SYNE2: variants seen among roughly 807,000 people sequenced by gnomAD.
SYNE2 encodes the protein nesprin-2.
Under a neutral mutation model 856.3 loss-of-function variants are expected in SYNE2, and 431 were observed. The ratio of observed to expected loss-of-function variants is 0.50; its 90% confidence interval spans 0.47 to 0.55. The LOEUF (loss-of-function observed/expected upper bound fraction) is 0.55, where lower values mean the gene tolerates loss of function less well. Among genes scored for constraint, SYNE2 ranks in the 20% least tolerant of loss-of-function variants. The pLI, the probability that SYNE2 is intolerant of heterozygous loss-of-function variation, is 0.00. For synonymous variants in SYNE2, 2,923 were observed against 2,872.3 expected (o/e 1.02, Z -0.56); for missense variants, 8,129 against 8,023.2 (o/e 1.01, Z -0.50).
Position 64,051,713 on chromosome 14 carries a change from T to G in SYNE2, c.7800T>G (p.Ile2600Met), listed in dbSNP as rs772826147. 2 of 1,614,224 alleles carry G rather than the reference T, an allele frequency of 1.2e-6. No homozygotes were observed. Among genetic ancestry groups the G allele is most frequent in the South Asian group, 1.1e-5 (1 of 91,082 alleles). ...ATAAGAAATTGTTGGAAAGCCAGATTAAGCAACTTGAACATGGTTGGGAAC... is the reference window on the plus strand; with the variant it reads ...ATAAGAAATTGTTGGAAAGCCAGATGAAGCAACTTGAACATGGTTGGGAAC... ...DMDKKLLESQ[I>M]KQLEHGWEQV... The change falls in exon 48 of 116, where the codon ATT becomes ATG. Residue 2600 changes from isoleucine to methionine, a missense_variant. Physicochemically the swap from Ile to Met is conservative, Grantham distance 10 (BLOSUM62 1). Coordinates refer to ENST00000555002, the MANE Select transcript of SYNE2 (RefSeq NM_182914.3).
intron 1 of SYNE2, among the ~76,000 whole-genome samples, chr14:63,866,997 A>T (rs1349941847): frequency 1.3e-5 from 2 of 152,176 alleles, no homozygotes; most frequent in Non-Finnish European, 2.9e-5. Context: ...TTTAGTACTC[A>T]ATTGGTGCCA....
At position 64,022,731 on chromosome 14, in the gene SYNE2, CT is replaced by C. The variant is rs769496095; in HGVS notation, c.5525-11del. 545 of 1,291,102 alleles carry C rather than the reference CT, an allele frequency of 4.2e-4. No individual in the cohort carries two copies. The highest frequency in any genetic ancestry group is 5.6e-4 in the South Asian group (46 of 81,862). The allele number at this position is 1,291,102 out of a possible 1,614,324, so 80.0% of individuals were successfully genotyped here. ...TGAAGTCTTCCTTGAATGAATAGAGCTTTTTTTTTCCCCCTGCAGATCAATG... is the reference window on the plus strand; with the variant it reads ...TGAAGTCTTCCTTGAATGAATAGAGCTTTTTTTTCCCCCTGCAGATCAATG... On this transcript the variant is annotated intron_variant, in intron 37 of 115. Transcript: ENST00000555002.
intron 49 of SYNE2, among the ~76,000 whole-genome samples, chr14:64,060,420 A>G (rs1475547033): frequency 6.6e-6 from 1 of 152,150 alleles, no homozygotes; most frequent in Non-Finnish European, 1.5e-5. Flanking sequence ...CTTCTGGCCC[A>G]GGGTGTGTCT....
Position 64,119,577 on chromosome 14 carries a change from A to G in SYNE2, c.12991A>G (p.Met4331Val), listed in dbSNP as rs144392904. ...TVKCNLEKVQ[M>V]MLQEKHSEDQ... ...GAAGTGCAATTTAGAAAAAGTCCAG[A>G]TGATGCTTCAGGAGAAGCACAGTGA... Residue 4331 changes from methionine to valine, a missense_variant, in exon 67 of 116, where the codon ATG becomes GTG. Met to Val is a conservative substitution (Grantham distance 21). This residue lies in a region of SYNE2 where 5,410 missense variants were observed against 5,284.8 expected (regional missense o/e 1.02). Transcript: ENST00000555002. 1.2e-6 allele frequency: 2 copies of G among 1,614,076 alleles called. No homozygotes were observed. Among genetic ancestry groups the G allele is most frequent in the East Asian group, 2.2e-5 (1 of 44,890 alleles).
rs1253506104 is a variant in SYNE2 at position 63,961,567 on chromosome 14, A to G, written c.830A>G (p.Tyr277Cys). 8 of 1,614,096 alleles carry G rather than the reference A, an allele frequency of 5.0e-6. No homozygotes were observed. Among genetic ancestry groups the G allele is most frequent in the Non-Finnish European group, 6.8e-6 (8 of 1,179,976 alleles). The change falls in exon 9 of 116, where the codon TAT becomes TGT. Residue 277 changes from tyrosine to cysteine, a missense_variant. Coordinates refer to ENST00000555002, the MANE Select transcript of SYNE2 (RefSeq NM_182914.3). Reference sequence around the variant, plus strand: ...CCTGATGAAAAGTCCATCATGACCTATGTGGCACAGTTTCTGCAGTATTCC... The same window carrying G: ...CCTGATGAAAAGTCCATCATGACCTGTGTGGCACAGTTTCTGCAGTATTCC... ...VDPDEKSIMT[Y>C]VAQFLQYSKD...
chr14:64,138,093 T>C (rs907882320), intron 79 of SYNE2, 110 bp downstream of exon 79: 1 of 1,305,340 alleles, frequency 7.7e-7, no homozygotes. Context: ...CTGTTTTTTC[T>C]TGGGCAGTCT....
chr14:64,107,490 G>C lies in SYNE2; in HGVS notation c.12493-1G>C. 6.2e-7 allele frequency: 1 copy of C among 1,613,206 alleles called. No homozygotes were observed. Among genetic ancestry groups the C allele is most frequent in the Non-Finnish European group, 8.5e-7 (1 of 1,179,218 alleles). On this transcript the variant is annotated splice_acceptor_variant, in intron 64 of 115. Transcript: ENST00000555002. LOFTEE classifies it high-confidence loss of function. ...TGGAGCTCTGATTCTTTTCTTTACA[G>C]GAAGCATATGGGAAAATAAGCACCT...
intron 8 of SYNE2, among the ~76,000 whole-genome samples, 181 bp from the exon 9 acceptor site, chr14:63,961,344 C>T (rs906661308): frequency 1.3e-5 from 2 of 152,230 alleles, no homozygotes; most frequent in Non-Finnish European, 2.9e-5. Context: ...GATCTAAACT[C>T]TTAGCCACTG....
At chr14:64,224,595 A>G (rs2098709910) in intron 114 of SYNE2, 48 bp downstream of exon 114, 3 of 1,604,798 alleles carry the variant, frequency 1.9e-6, no homozygotes, top group African/African-American at 2.7e-5. Flanking sequence ...TATTTTTTAA[A>G]GTCACTAAGA....
At chr14:64,193,245 C>T (rs979167362) in intron 99 of SYNE2, among the ~76,000 whole-genome samples, 1 of 152,210 alleles carries the variant, frequency 6.6e-6, no homozygotes, top group Non-Finnish European at 1.5e-5. Context: ...CAGGGAACAG[C>T]AGCTCTTGTT....
In SYNE2 at chr14:64,056,239, T is replaced by G. The variant is rs557133316; in HGVS notation, c.10040T>G (p.Phe3347Cys). 6.2e-7 allele frequency: 1 copy of G among 1,614,116 alleles called. No homozygotes were observed. The highest frequency in any genetic ancestry group is 2.2e-5 in the East Asian group (1 of 44,888). ...AAGAACTCAGCAATGAAGGAAGCTT[T>G]CAAAGCACAGGAAACTGAGGCAGAA... ...VSKNSAMKEA[F>C]KAQETEAERY... Residue 3347 changes from phenylalanine to cysteine, a missense_variant, in exon 49 of 116, where the codon TTC becomes TGC. Around this residue, in one of 3 missense-constraint regions of SYNE2, gnomAD observed 5,410 missense variants for 5,284.8 expected, o/e 1.02. Coordinates refer to ENST00000555002, the MANE Select transcript of SYNE2 (RefSeq NM_182914.3).
intron 1 of SYNE2, among the ~76,000 whole-genome samples, chr14:63,837,918 C>CAAA (rs34952817): frequency 0.078 from 4,828 of 61,828 alleles, 535 homozygotes; most frequent in African/African-American, 0.14. Context: ...GACTCTGTTT[C>CAAA]AAAAAAAAAA....
intron 22 of SYNE2, 45 bp downstream of exon 22, chr14:63,994,014 G>C (rs1441332038): frequency 1.2e-6 from 2 of 1,602,086 alleles, no homozygotes. Flanking sequence ...TTATATGTCT[G>C]ATCCTGGGCT....
At chr14:64,066,760 G>A (rs2097361606) in intron 51 of SYNE2, among the ~76,000 whole-genome samples, 1 of 152,160 alleles carries the variant, frequency 6.6e-6, no homozygotes, top group Non-Finnish European at 1.5e-5. Flanking sequence ...TGCTGAGAAG[G>A]CAGTTCACAC....
chr14:63,966,748 T>G (rs1436252236), intron 10 of SYNE2, among the ~76,000 whole-genome samples: 1 of 151,934 alleles, frequency 6.6e-6, no homozygotes, highest in Non-Finnish European at 1.5e-5. Context: ...TTGATCGATA[T>G]GGGGTTTTGC....
At chr14:64,119,179 G>A (rs888875588) in intron 66 of SYNE2, among the ~76,000 whole-genome samples, 4 of 152,176 alleles carry the variant, frequency 2.6e-5, no homozygotes, top group African/African-American at 9.7e-5. Flanking sequence ...TTTGTAAGGC[G>A]ACTATAGAGT....
At chr14:63,959,237 T>C (rs2096277761) in intron 8 of SYNE2, among the ~76,000 whole-genome samples, 1 of 151,600 alleles carries the variant, frequency 6.6e-6, no homozygotes, top group African/African-American at 2.4e-5. Flanking sequence ...CAATGTGAAC[T>C]TAGAACTTAT....
At chr14:64,093,545 C>A (rs1370373406) in intron 61 of SYNE2, 65 bp downstream of exon 61, 1 of 1,595,890 alleles carries the variant, frequency 6.3e-7, no homozygotes, top group Non-Finnish European at 8.6e-7. Flanking sequence ...TTAATACTTA[C>A]TAAGCCTTTG....
intron 1 of SYNE2, among the ~76,000 whole-genome samples, chr14:63,900,252 A>G (rs1294386936): frequency 6.6e-6 from 1 of 152,212 alleles, no homozygotes; most frequent in East Asian, 1.9e-4. Context: ...TTGTTTTCCA[A>G]AAGTGTAATG....
Sources: gnomAD v4.1 joint callset for allele counts (sites outside exome capture counted in the v4.1 genomes callset) on GRCh38, gnomAD v4.1.1 for gene constraint, gnomAD v4.1.1 regional missense constraint, MANE v1.5 for transcripts, NCBI Gene and HGNC (gene_info 2026-07-23, HGNC 2026-07-21) for gene names.